The following ZNF532 variants were observed in gnomAD, a reference collection of about 807,000 sequenced individuals.
ZNF532 encodes zinc finger protein 532.
In ZNF532, 22 loss-of-function variants were observed where a neutral mutation model predicts 89.3. The ratio of observed to expected loss-of-function variants is 0.25; its 90% confidence interval spans 0.18 to 0.35. The LOEUF is 0.35. Ranked by LOEUF, ZNF532 falls within the 10% of genes least tolerant of loss-of-function variation. The pLI is 1.00. For missense variants in ZNF532, 1,132 were observed against 1,643.4 expected (o/e 0.69, Z 5.38); for synonymous variants, 606 against 649.6 (o/e 0.93, Z 1.02).
chr18:58,872,222 T>C (rs1338301687), intron 2 of ZNF532, among the ~76,000 whole-genome samples: 1 of 150,396 alleles, frequency 6.6e-6, no homozygotes, highest in Non-Finnish European at 1.5e-5. Context: ...CTGTTTTCAG[T>C]CAGTTATTAT....
At chr18:58,864,178 C>T (rs1488377970), upstream of ZNF532, 1 of 152,352 alleles carries the variant, frequency 6.6e-6, no homozygotes, top group South Asian at 2.1e-4. Flanking sequence ...CCCCAGTTTT[C>T]TTCCCCCGAG....
intron 7 of ZNF532, among the ~76,000 whole-genome samples, chr18:58,966,750 T>G (rs2065961296): frequency 2.0e-5 from 3 of 151,206 alleles, no homozygotes; most frequent in Admixed American, 1.3e-4. Context: ...TTTTTTTTTT[T>G]TTTTTTTTTT....
intron 2 of ZNF532, among the ~76,000 whole-genome samples, chr18:58,885,216 C>T (rs558932566): frequency 2.4e-4 from 36 of 151,978 alleles, no homozygotes; most frequent in Non-Finnish European, 4.9e-4. Flanking sequence ...CTCGAACTCC[C>T]GACCTCAGGT....
In ZNF532 at chr18:58,920,324, C is replaced by T. The variant is rs765364438; in HGVS notation, c.2037C>T (p.His679=). The part of the protein sequence containing the change: ...KEKGVVMQCS[H]LILKPVPADQ... The stretch of plus-strand genomic sequence containing the variant: ...AAGGGGTGGTAATGCAATGCTCCCA[C>T]TTAATTTTAAAGCCAGTCCCAGCAG... The change falls in exon 3 of 10, where the codon CAC becomes CAT. Residue 679 remains histidine (H), a synonymous_variant. Transcript: ENST00000591808. 3 of 1,614,016 alleles carry T rather than the reference C, an allele frequency of 1.9e-6. No individual in the cohort carries two copies. In the Admixed American group the frequency reaches 5.0e-5, roughly 27 times the overall value.
At chr18:58,954,177 T>A in intron 7 of ZNF532, 1 of 982,282 alleles carries the variant, frequency 1.0e-6, no homozygotes, top group African/African-American at 1.7e-5. Context: ...AGTGGAAATG[T>A]TGAACATTGC....
At chr18:58,905,758 T>C (rs1568285746) in intron 2 of ZNF532, among the ~76,000 whole-genome samples, 2 of 152,230 alleles carry the variant, frequency 1.3e-5, no homozygotes, top group Non-Finnish European at 2.9e-5. Flanking sequence ...GTCTGTGCCT[T>C]ATTTGGATTT....
At chr18:58,947,951 T>G in intron 5 of ZNF532, 116 bp from the exon 6 acceptor site, 5 of 897,086 alleles carry the variant, frequency 5.6e-6, no homozygotes, top group Non-Finnish European at 8.4e-6. Context: ...TTCTATTTAT[T>G]GTGTTTGTGT....
intron 4 of ZNF532, among the ~76,000 whole-genome samples, chr18:58,936,024 A>G (rs898562728): frequency 4.6e-5 from 7 of 152,218 alleles, no homozygotes; most frequent in Non-Finnish European, 1.0e-4. Flanking sequence ...CATGCCTCCA[A>G]ACTTGTAATG....
At chr18:58,915,145 A>C (rs1001942229) in intron 2 of ZNF532, among the ~76,000 whole-genome samples, 6 of 152,270 alleles carry the variant, frequency 3.9e-5, no homozygotes, top group Admixed American at 6.5e-5. Flanking sequence ...GTGAAGTTAC[A>C]GAGTGGTATC....
intron 2 of ZNF532, among the ~76,000 whole-genome samples, chr18:58,917,901 A>T (rs1603066338): frequency 6.6e-6 from 1 of 152,220 alleles, no homozygotes; most frequent in African/African-American, 2.4e-5. Context: ...AGAATTAAAT[A>T]CTGTCAAGAT....
chr18:58,946,911 G>T lies in ZNF532; in HGVS notation c.2706-1156G>T, dbSNP rs142275953. On this transcript the variant is annotated intron_variant, in intron 5 of 9. Coordinates refer to ENST00000591808, the MANE Select transcript of ZNF532 (RefSeq NM_001375912.1). ...TTTGGACAGAGAATTGCACAGTGAG[G>T]TTTGAAGCTACATGGGAAGTCCTCT... Among the ~76,000 whole-genome samples, 1,129 of 152,186 alleles carry T rather than the reference G, an allele frequency of 7.4e-3. 12 individuals are homozygous for T. The highest frequency in any genetic ancestry group is 0.025 in the African/African-American group (1,059 of 41,530).
intron 2 of ZNF532, among the ~76,000 whole-genome samples, chr18:58,909,314 T>C (rs1258555749): frequency 6.6e-6 from 1 of 152,140 alleles, no homozygotes; most frequent in Non-Finnish European, 1.5e-5. Context: ...ACATAGGATT[T>C]AGAGGAACAT....
chr18:58,919,878 C>T lies in ZNF532; in HGVS notation c.1591C>T (p.Pro531Ser), dbSNP rs779979318. Residue 531 changes from proline (P) to serine (S), a missense_variant, in exon 3 of 10, where the codon CCT (proline) becomes TCT (serine). Physicochemically the swap from Pro to Ser is moderately conservative, Grantham distance 74. Coordinates refer to ENST00000591808, the MANE Select transcript of ZNF532 (RefSeq NM_001375912.1). This position sits in a 1 kb window ranked among gnomAD's most constrained non-coding sequence, Gnocchi z 6.1. Reference protein sequence around the residue: ...TVHLANLNLLPQGAQATSELR... With the variant: ...TVHLANLNLLSQGAQATSELR... Reference sequence around the variant, plus strand: ...GCACCTTGCCAACCTTAACCTTTTGCCTCAGGGTGCCCAGGCCACCTCTGA... The same window carrying T: ...GCACCTTGCCAACCTTAACCTTTTGTCTCAGGGTGCCCAGGCCACCTCTGA... The T allele has an allele frequency of 3.1e-6, 5 of 1,614,012 alleles. No homozygotes were observed. The highest frequency in any genetic ancestry group is 3.3e-5 in the Admixed American group (2 of 60,014).
intron 5 of ZNF532, among the ~76,000 whole-genome samples, chr18:58,944,288 A>C (rs2063466039): frequency 6.6e-6 from 1 of 152,150 alleles, no homozygotes; most frequent in African/African-American, 2.4e-5. Flanking sequence ...ATTTGACCTG[A>C]GTATGGGTAT....
Position 58,923,655 on chromosome 18 carries a change from C to T in ZNF532, c.2346+3022C>T, listed in dbSNP as rs372096372. Among the ~76,000 whole-genome samples the T allele has an allele frequency of 1.4e-4, 22 of 152,278 alleles. 1 individual carries two copies. The highest frequency in any genetic ancestry group is 5.3e-4 in the African/African-American group (22 of 41,552). ...AAAGAGAAAATAGCCTTTGTTTCAT[C>T]CTTCTCGTTTGCCAGTCACATGACT... On this transcript the variant is annotated intron_variant, in intron 3 of 9. Transcript: ENST00000591808.
At chr18:58,950,957 C>CTTTTTTTTTTTTTCT (rs35733502) in intron 6 of ZNF532, among the ~76,000 whole-genome samples, 1 of 146,308 alleles carries the variant, frequency 6.8e-6, no homozygotes, top group Non-Finnish European at 1.5e-5. Context: ...TTTTCAGAGT[C>CTTTTTTTTTTTTTCT]TTTTTTTTTT....
intron 5 of ZNF532, among the ~76,000 whole-genome samples, chr18:58,945,054 A>G (rs2063534107): frequency 1.3e-5 from 2 of 152,084 alleles, no homozygotes; most frequent in South Asian, 4.2e-4. Context: ...GATTCCTCCC[A>G]GTTGTTATGC....
chr18:58,982,699 A>G (rs905297015), intron 9 of ZNF532, among the ~76,000 whole-genome samples: 3 of 152,224 alleles, frequency 2.0e-5, no homozygotes, highest in Non-Finnish European at 4.4e-5. Flanking sequence ...GAATGTACCC[A>G]GGTAAAAGCT....
chr18:58,961,781 G>C (rs758095573), intron 7 of ZNF532, among the ~76,000 whole-genome samples: 7 of 152,214 alleles, frequency 4.6e-5, no homozygotes, highest in Non-Finnish European at 8.8e-5. Context: ...TTTGATAGCT[G>C]TCTTCAGATA....
Sources: gnomAD v4.1 joint callset for allele counts (sites outside exome capture counted in the v4.1 genomes callset) on GRCh38, gnomAD v4.1.1 for gene constraint, Gnocchi (gnomAD v3.1) non-coding constraint, MANE v1.5 for transcripts, NCBI Gene and HGNC (gene_info 2026-07-23, HGNC 2026-07-21) for gene names.